Variants in SAE1 observed in about 807,000 individuals in gnomAD.
SAE1 encodes SUMO-activating enzyme subunit 1.
A neutral mutation model predicts 40.6 loss-of-function variants in SAE1; 11 were observed. That is an observed-to-expected ratio of 0.27 (90% CI 0.17 to 0.45). SAE1 has a LOEUF of 0.45. Ranked by LOEUF, SAE1 falls within the 20% of genes least tolerant of loss-of-function variation. The pLI is 1.00. For synonymous variants in SAE1, 155 were observed against 154.3 expected (o/e 1.00, Z -0.03); for missense variants, 373 against 427.3 (o/e 0.87, Z 1.12).
At chr19:47,135,458 TTAACA>T (rs2058172670) in intron 1 of SAE1, 2 of 152,148 alleles carry the variant, frequency 1.3e-5, no homozygotes, top group Admixed American at 6.6e-5. Context: ...TTTATTTCAC[TTAACA>T]TAATAACATC....
At position 47,206,702 on chromosome 19, in the gene SAE1, C is replaced by T. The variant is rs557218582; in HGVS notation, c.949-2457C>T. Among the ~76,000 whole-genome samples the T allele has an allele frequency of 3.3e-5, 5 of 152,248 alleles. No individual in the cohort carries two copies. In the East Asian group the frequency reaches 9.7e-4, roughly 29 times the overall value. ...CTTGGGTTTGAGGGTCTAAGAGTTC[C>T]ACCTGTGTACTGTTGGACCCTTCCA... is the stretch of plus-strand genomic sequence containing the variant. On this transcript the variant is annotated intron_variant, in intron 8 of 8. Transcript: ENST00000270225.
intron 5 of SAE1, among the ~76,000 whole-genome samples, chr19:47,162,061 A>T (rs749759411): frequency 6.6e-6 from 1 of 152,220 alleles, no homozygotes; most frequent in Non-Finnish European, 1.5e-5. Context: ...CAGTAAGCAC[A>T]TGTGGCCATT....
intron 1 of SAE1, among the ~76,000 whole-genome samples, chr19:47,134,521 T>G (rs1164906401): frequency 6.6e-6 from 1 of 151,984 alleles, no homozygotes; most frequent in African/African-American, 2.4e-5. Context: ...ACTGCATTGA[T>G]TTTAGGGACT....
intron 5 of SAE1, among the ~76,000 whole-genome samples, chr19:47,169,394 C>T (rs921777187): frequency 2.0e-5 from 3 of 152,044 alleles, no homozygotes; most frequent in Non-Finnish European, 4.4e-5. Context: ...TACAGGCGGC[C>T]GCCAGCATGC....
chr19:47,165,138 C>T (rs899335665), intron 5 of SAE1, among the ~76,000 whole-genome samples: 1 of 120,816 alleles, frequency 8.3e-6, no homozygotes, highest in Non-Finnish European at 1.6e-5. Flanking sequence ...GGCTGGAGTA[C>T]AGTGGTTTGA....
intron 6 of SAE1, among the ~76,000 whole-genome samples, chr19:47,172,045 A>G (rs773992217): frequency 6.6e-6 from 1 of 151,374 alleles, no homozygotes; most frequent in East Asian, 2.0e-4. Context: ...CAGCCTCCCG[A>G]GTAGCTGGGA....
chr19:47,206,593 G>A (rs1331551877), intron 8 of SAE1, among the ~76,000 whole-genome samples: 2 of 152,128 alleles, frequency 1.3e-5, no homozygotes, highest in Admixed American at 6.6e-5. Flanking sequence ...TCCACGGCAG[G>A]TCTCCCTGTC....
At position 47,130,873 on chromosome 19, in the gene SAE1, G is replaced by A. The variant is rs979363611; in HGVS notation, c.-58G>A. On this transcript the variant is annotated 5_prime_UTR_variant, in exon 1 of 9. Transcript: ENST00000270225. ...TGCCGGCGGCGGTAGGTGGCGCGCG[G>A]GTCCGGCGGGCGGTTGGCTTGAGCG... 40 of 1,545,158 alleles carry A rather than the reference G, an allele frequency of 2.6e-5. 1 individual carries two copies. The highest frequency in any genetic ancestry group is 1.8e-4 in the African/African-American group (13 of 72,798).
At chr19:47,153,283 C>T (rs1216763560) in intron 4 of SAE1, among the ~76,000 whole-genome samples, 1 of 151,926 alleles carries the variant, frequency 6.6e-6, no homozygotes, top group Non-Finnish European at 1.5e-5. Context: ...AAAATGATTA[C>T]AAAATAGTTG....
chr19:47,192,658 T>G (rs1048497036), intron 6 of SAE1, among the ~76,000 whole-genome samples: 5 of 152,084 alleles, frequency 3.3e-5, no homozygotes, highest in Middle Eastern at 3.2e-3. Context: ...TTCTACTGCC[T>G]CAGCCTCCCA....
chr19:47,205,792 A>T lies in SAE1; in HGVS notation c.948+2052A>T, dbSNP rs1006585384. On this transcript the variant is annotated intron_variant, in intron 8 of 8. Transcript: ENST00000270225. ...GCCCTATGAGGTAGGAACTCCTGTG[A>T]TCCCTGGTTTATAAAAGAGAGACTA... Among the ~76,000 whole-genome samples the T allele has an allele frequency of 1.2e-4, 19 of 152,162 alleles. 1 individual carries two copies. Among genetic ancestry groups the T allele is most frequent in the Non-Finnish European group, 2.9e-5 (2 of 68,018 alleles).
intron 6 of SAE1, among the ~76,000 whole-genome samples, chr19:47,189,160 G>T (rs2058563136): frequency 6.6e-6 from 1 of 152,178 alleles, no homozygotes; most frequent in African/African-American, 2.4e-5. Context: ...TGTTGGATAA[G>T]AGGTAGTACT....
At chr19:47,201,783 G>A (rs754093688) in intron 7 of SAE1, among the ~76,000 whole-genome samples, 10 of 151,824 alleles carry the variant, frequency 6.6e-5, no homozygotes, top group Non-Finnish European at 1.2e-4. Flanking sequence ...ACAGCTGCCC[G>A]CCACCACACC....
At chr19:47,195,462 C>G (rs1360246070) in intron 6 of SAE1, among the ~76,000 whole-genome samples, 1 of 152,156 alleles carries the variant, frequency 6.6e-6, no homozygotes, top group South Asian at 2.1e-4. Flanking sequence ...TGAACCTTTC[C>G]TCTGGTTCAC....
At chr19:47,176,814 T>C (rs1302583940) in intron 6 of SAE1, among the ~76,000 whole-genome samples, 1 of 152,244 alleles carries the variant, frequency 6.6e-6, no homozygotes, top group Non-Finnish European at 1.5e-5. Flanking sequence ...GGCCTCGCCA[T>C]CTGTGAGCAA....
chr19:47,155,741 C>T (rs1332070163), intron 5 of SAE1, among the ~76,000 whole-genome samples: 1 of 150,924 alleles, frequency 6.6e-6, no homozygotes, highest in Non-Finnish European at 1.5e-5. Context: ...CATGCCCGGC[C>T]CCATACCCTT....
At chr19:47,178,263 T>A (rs1389887096) in intron 6 of SAE1, among the ~76,000 whole-genome samples, 2 of 151,704 alleles carry the variant, frequency 1.3e-5, no homozygotes, top group Non-Finnish European at 2.9e-5. Flanking sequence ...AAGAAATCTA[T>A]CTATCTATCA....
intron 6 of SAE1, among the ~76,000 whole-genome samples, chr19:47,191,099 A>G (rs916978622): frequency 4.6e-5 from 7 of 152,180 alleles, no homozygotes; most frequent in East Asian, 1.9e-4. Context: ...TCTGAACTTC[A>G]GTTTCCTGAT....
intron 5 of SAE1, among the ~76,000 whole-genome samples, chr19:47,168,141 T>A (rs941558800): frequency 6.6e-6 from 1 of 151,884 alleles, no homozygotes; most frequent in Non-Finnish European, 1.5e-5. Flanking sequence ...TGCAGCGAGC[T>A]GAGATCATGC....
Sources: gnomAD v4.1 joint callset for allele counts (sites outside exome capture counted in the v4.1 genomes callset) on GRCh38, gnomAD v4.1.1 for gene constraint, MANE v1.5 for transcripts, NCBI Gene and HGNC (gene_info 2026-07-23, HGNC 2026-07-21) for gene names.